Variants in PTCH1 observed in about 807,000 individuals in gnomAD.
PTCH1 encodes patched 1, also known as protein patched homolog 1.
A neutral mutation model predicts 144.6 loss-of-function variants in PTCH1; 14 were observed. That is an observed-to-expected ratio of 0.10 (90% CI 0.06 to 0.15). PTCH1 has a LOEUF of 0.15. Ranked by LOEUF, PTCH1 falls within the 10% of genes least tolerant of loss-of-function variation. The pLI, the probability that PTCH1 is intolerant of heterozygous loss-of-function variation, is 1.00. For missense variants in PTCH1, 1,623 were observed against 1,948.3 expected (o/e 0.83, Z 3.14); for synonymous variants, 833 against 793.6 (o/e 1.05, Z -0.83).
chr9:95,446,879 G>C, intron 23 of PTCH1, 32 bp downstream of exon 23: 1 of 1,612,952 alleles, frequency 6.2e-7, no homozygotes, highest in Non-Finnish European at 8.5e-7. Flanking sequence ...CTGGCTCTAG[G>C]TCCCTTGGCT....
Position 95,446,708 on chromosome 9 carries a change from C to G in PTCH1, c.*1+203G>C, listed in dbSNP as rs181845728. 2.2e-4 allele frequency: 143 copies of G among 663,306 alleles called. No individual in the cohort carries two copies. In the African/African-American group the frequency reaches 2.3e-3, roughly 11 times the overall value. The allele number at this position is 663,306 out of a possible 1,614,324, so 41.1% of individuals were successfully genotyped here. Reference sequence around the variant, plus strand: ...GCAGGTTAGCAGTGGGGGAAGAGAGCAGTGTGGAGCTGGACTGGTTCCCCA... The same window carrying G: ...GCAGGTTAGCAGTGGGGGAAGAGAGGAGTGTGGAGCTGGACTGGTTCCCCA... On this transcript the variant is annotated intron_variant, in intron 23 of 23. Coordinates refer to ENST00000331920, the MANE Select transcript of PTCH1 (RefSeq NM_000264.5).
chr9:95,485,718 T>C lies in PTCH1; in HGVS notation c.551A>G (p.Gln184Arg), dbSNP rs755867972. Residue 184 changes from glutamine (Q) to arginine (R), a missense_variant, in exon 3 of 24, where the codon CAG (glutamine) becomes CGG (arginine). Gln to Arg is a conservative substitution (Grantham distance 43). This residue lies in a region of PTCH1 where 39 missense variants were observed against 75.6 expected (regional missense o/e 0.52). Coordinates refer to ENST00000331920, the MANE Select transcript of PTCH1 (RefSeq NM_000264.5). ...ALLQHLDSAL[Q>R]ASRVHVYMYN... ...CATGTATACATGGACACGGCTGGCC[T>C]GGAGTGCCGAGTCCAGGTGTTGTAG... 14 of 1,614,148 alleles carry C rather than the reference T, an allele frequency of 8.7e-6. No individual in the cohort carries two copies. Among genetic ancestry groups the C allele is most frequent in the Non-Finnish European group, 1.0e-5 (12 of 1,180,008 alleles).
chr9:95,509,834 CCTCTT>C (rs1483057885), upstream of PTCH1, among the ~76,000 whole-genome samples: 4 of 151,538 alleles, frequency 2.6e-5, no homozygotes, highest in African/African-American at 7.3e-5. Context: ...ATTTTTTTTT[CCTCTT>C]CTCTTTTCTT....
intron 2 of PTCH1, among the ~76,000 whole-genome samples, chr9:95,495,888 C>T (rs532432890): frequency 6.6e-6 from 1 of 152,152 alleles, no homozygotes; most frequent in Non-Finnish European, 1.5e-5. Flanking sequence ...CTGGACCCTG[C>T]ATGAAGTACA....
In PTCH1 at chr9:95,450,000, C is replaced by T. The variant is rs1227074409; in HGVS notation, c.3450-60G>A. On this transcript the variant is annotated intron_variant, in intron 20 of 23. Transcript: ENST00000331920. The surrounding 1 kb of genome is among the most constrained non-coding windows in gnomAD (Gnocchi z 5.3). Reference sequence around the variant, plus strand: ...TGACAGGGTGGATCGCGCCACCCTCCGTGTGCCCGACACAGCAGCATGGCA... The same window carrying T: ...TGACAGGGTGGATCGCGCCACCCTCTGTGTGCCCGACACAGCAGCATGGCA... 1.5e-5 allele frequency: 21 copies of T among 1,446,936 alleles called. No individual in the cohort carries two copies. Among genetic ancestry groups the T allele is most frequent in the South Asian group, 9.3e-5 (8 of 86,368 alleles). 89.6% of individuals were successfully genotyped at this position (1,446,936 alleles called of 1,614,324 possible). A position where few individuals can be genotyped will look rare whatever the true frequency, so the allele number is the denominator to read the frequency against.
intron 1 of PTCH1, among the ~76,000 whole-genome samples, chr9:95,516,159 C>G (rs1336765009): frequency 6.6e-6 from 1 of 151,282 alleles, no homozygotes; most frequent in African/African-American, 2.4e-5. Flanking sequence ...GAATTCCCCC[C>G]GGAGCCGTTC....
Position 95,508,904 on chromosome 9 carries a change from T to A in PTCH1, c.-543A>T, listed in dbSNP as rs1277436290. ...CCGCCGCCGCCGCGGGGTCCGAGGG[T>A]GCCCGGCGGGTCTCAGCGCTGCCGG... On this transcript the variant is annotated 5_prime_UTR_variant, in exon 1 of 24. Transcript: ENST00000331920. 6.6e-6 allele frequency among the ~76,000 whole-genome samples: 1 copy of A among 150,554 alleles called. No homozygotes were observed. The highest frequency in any genetic ancestry group is 1.5e-5 in the Non-Finnish European group (1 of 67,634).
intron 2 of PTCH1, 136 bp downstream of exon 2, chr9:95,506,271 A>G: frequency 1.9e-6 from 2 of 1,073,938 alleles, no homozygotes; most frequent in Non-Finnish European, 2.6e-6. Context: ...GCGCCCAAAC[A>G]ATAAACAATC....
In PTCH1 at chr9:95,458,544, G is replaced by A. The variant is rs1839171739; in HGVS notation, c.2888-251C>T. Among the ~76,000 whole-genome samples the A allele has an allele frequency of 2.0e-5, 3 of 152,180 alleles. No homozygotes were observed. The highest frequency in any genetic ancestry group is 1.3e-4 in the Admixed American group (2 of 15,284). On this transcript the variant is annotated intron_variant, in intron 17 of 23. Coordinates refer to ENST00000331920, the MANE Select transcript of PTCH1 (RefSeq NM_000264.5). This position sits in a 1 kb window ranked among gnomAD's most constrained non-coding sequence, Gnocchi z 4.7. ...TTCCAGCAGTCATTCTTTGTGAGGG[G>A]TCTAAAAACTCCAGGCTTACATTTT...
rs370936145 is a variant in PTCH1, at chr9:95,456,387, G to A, written c.3195C>T (p.Val1065=). 61 of 1,614,000 alleles carry A rather than the reference G, an allele frequency of 3.8e-5. No individual in the cohort carries two copies. In the African/African-American group the frequency reaches 5.7e-4, roughly 15 times the overall value. The change falls in exon 19 of 24, where the codon GTC becomes GTT. Residue 1065 remains valine, a synonymous_variant. Coordinates refer to ENST00000331920, the MANE Select transcript of PTCH1 (RefSeq NM_000264.5). The part of the protein sequence containing the change: ...IIVMVLALMT[V]ELFGMMGLIG... ...TGAGGCCCATCATGCCGAACAGCTC[G>A]ACCGTCATCAGCGCCAGGACCATCA...
intron 12 of PTCH1, chr9:95,474,015 G>A (rs1361680468): frequency 2.2e-6 from 1 of 463,906 alleles, no homozygotes; most frequent in Non-Finnish European, 4.3e-6. Context: ...TGCTTACCTT[G>A]GGAGAATTTA....
chr9:95,490,024 G>A (rs879646000), intron 2 of PTCH1, among the ~76,000 whole-genome samples: 5 of 149,280 alleles, frequency 3.3e-5, no homozygotes, highest in African/African-American at 4.9e-5. Context: ...GGATGGTCTC[G>A]ATCTCCTGAC....
intron 18 of PTCH1, 90 bp from the exon 19 acceptor site, chr9:95,456,503 C>T (rs1414016334): frequency 2.4e-5 from 36 of 1,499,472 alleles, no homozygotes; most frequent in Middle Eastern, 1.8e-4. Flanking sequence ...AAGGTGTCCT[C>T]GGTTCAGATC....
At chr9:95,464,155 C>G (rs1162780776) in intron 15 of PTCH1, among the ~76,000 whole-genome samples, 1 of 152,120 alleles carries the variant, frequency 6.6e-6, no homozygotes, top group Admixed American at 6.5e-5. Context: ...AAGATGAATA[C>G]GAAACAGTCA....
chr9:95,488,967 C>T (rs912323718), intron 2 of PTCH1, among the ~76,000 whole-genome samples: 45 of 152,086 alleles, frequency 3.0e-4, no homozygotes, highest in Admixed American at 1.2e-3. Context: ...GCAAGTGTGG[C>T]GGAGCTTGGT....
chr9:95,507,208 G>T (rs144831338), intron 1 of PTCH1: 3 of 985,432 alleles, frequency 3.0e-6, no homozygotes, highest in Non-Finnish European at 1.2e-6. Flanking sequence ...TTAGGAAGTG[G>T]GGCAGCCAGC....
At chr9:95,462,108 A>T in intron 15 of PTCH1, 110 bp from the exon 16 acceptor site, 1 of 1,257,352 alleles carries the variant, frequency 8.0e-7, no homozygotes, top group South Asian at 1.2e-5. Context: ...TTAGACGTCC[A>T]TCAGAAACAC....
rs1554687587 is a variant in PTCH1, at chr9:95,445,644, GA to G, written c.*748del. 1 of 152,306 alleles carries G rather than the reference GA, an allele frequency of 6.6e-6. No individual in the cohort carries two copies. Among genetic ancestry groups the G allele is most frequent in the Non-Finnish European group, 1.5e-5 (1 of 68,102 alleles). The allele number at this position is 152,306 out of a possible 1,614,324, so 9.4% of individuals were successfully genotyped here. A position where few individuals can be genotyped will look rare whatever the true frequency, so the allele number is the denominator to read the frequency against. ...GTTTAGGGCCAGCCCTCACCAGCAC[GA>G]AGAAAAGATATCCTGACGCTTCCAG... On this transcript the variant is annotated 3_prime_UTR_variant, in exon 24 of 24. Coordinates refer to ENST00000331920, the MANE Select transcript of PTCH1 (RefSeq NM_000264.5).
chr9:95,456,529 C>T, intron 18 of PTCH1, 116 bp from the exon 19 acceptor site: 2 of 1,373,506 alleles, frequency 1.5e-6, no homozygotes, highest in Middle Eastern at 2.2e-4. Context: ...AATGAATGGA[C>T]TGACTTGCTT....
Sources: gnomAD v4.1 joint callset for allele counts (sites outside exome capture counted in the v4.1 genomes callset) on GRCh38, gnomAD v4.1.1 for gene constraint, gnomAD v4.1.1 regional missense constraint, Gnocchi (gnomAD v3.1) non-coding constraint, MANE v1.5 for transcripts, NCBI Gene and HGNC (gene_info 2026-07-23, HGNC 2026-07-21) for gene names.